The following WWOX variants were observed in gnomAD, a reference collection of about 807,000 sequenced individuals.
WWOX encodes the protein WW domain containing oxidoreductase.
Under a neutral mutation model 46.2 loss-of-function variants are expected in WWOX, and 69 were observed. The observed-to-expected ratio is 1.49, with a 90% CI of 1.23 to 1.82. The LOEUF is 1.82. WWOX is among the 40% of genes most tolerant of loss of function. The pLI, the probability that WWOX is intolerant of heterozygous loss-of-function variation, is 0.00. For synonymous variants in WWOX, 359 were observed against 202.6 expected (o/e 1.77, Z -6.56); for missense variants, 919 against 542.6 (o/e 1.69, Z -6.89).
At chr16:78,705,784 C>T (rs1171745471) in intron 8 of WWOX, among the ~76,000 whole-genome samples, 2 of 152,142 alleles carry the variant, frequency 1.3e-5, no homozygotes, top group Non-Finnish European at 2.9e-5. Context: ...TGCACACATA[C>T]ATTGAAAACA....
chr16:78,830,402 C>T (rs1331532912), intron 8 of WWOX, among the ~76,000 whole-genome samples: 1 of 151,988 alleles, frequency 6.6e-6, no homozygotes, highest in Non-Finnish European at 1.5e-5. Context: ...GGGTTTTTCT[C>T]ACTGGTTTCT....
intron 8 of WWOX, among the ~76,000 whole-genome samples, chr16:78,557,091 A>C (rs745628857): frequency 7.2e-5 from 11 of 152,158 alleles, no homozygotes; most frequent in Non-Finnish European, 1.5e-4. Context: ...AGCAGAGATG[A>C]AAATGTGGAA....
At chr16:78,758,966 A>G (rs191600973) in intron 8 of WWOX, among the ~76,000 whole-genome samples, 29 of 151,736 alleles carry the variant, frequency 1.9e-4, no homozygotes, top group Admixed American at 1.8e-3. Context: ...AAACCTTCAC[A>G]GACAAAACCC....
intron 8 of WWOX, among the ~76,000 whole-genome samples, chr16:79,044,523 G>T (rs778306932): frequency 6.6e-6 from 1 of 152,278 alleles, no homozygotes; most frequent in African/African-American, 2.4e-5. Flanking sequence ...GCCACATGAC[G>T]TGCCTGCTCC....
intron 8 of WWOX, among the ~76,000 whole-genome samples, chr16:79,210,541 C>A (rs967265783): frequency 1.1e-4 from 17 of 152,154 alleles, no homozygotes; most frequent in Non-Finnish European, 2.4e-4. Context: ...TCTTCAGTTA[C>A]CTTTTCCGGT....
chr16:78,310,166 G>A (rs1264063768), intron 5 of WWOX, among the ~76,000 whole-genome samples: 2 of 151,736 alleles, frequency 1.3e-5, no homozygotes, highest in East Asian at 3.9e-4. Context: ...GTATCCAAAA[G>A]TAATACAGAA....
chr16:79,033,771 A>C (rs1001819525), intron 8 of WWOX, among the ~76,000 whole-genome samples: 1 of 152,180 alleles, frequency 6.6e-6, no homozygotes, highest in Non-Finnish European at 1.5e-5. Context: ...TTTGTCTATG[A>C]ATTCGACTAC....
At chr16:78,316,961 C>T (rs1373726001) in intron 5 of WWOX, among the ~76,000 whole-genome samples, 1 of 152,094 alleles carries the variant, frequency 6.6e-6, no homozygotes, top group East Asian at 1.9e-4. Flanking sequence ...CTAATAAGAC[C>T]TGGACATTTG....
chr16:78,970,616 G>C (rs533042997), intron 8 of WWOX, among the ~76,000 whole-genome samples: 2 of 152,218 alleles, frequency 1.3e-5, no homozygotes, highest in African/African-American at 4.8e-5. Context: ...AGGAAAGTCA[G>C]AGAGCTAACA....
intron 8 of WWOX, among the ~76,000 whole-genome samples, chr16:78,717,538 G>C (rs1480804337): frequency 6.6e-6 from 1 of 152,154 alleles, no homozygotes; most frequent in African/African-American, 2.4e-5. Context: ...TGAAGGATGT[G>C]ATTTGCTCTC....
At chr16:79,041,598 G>C (rs1597316177) in intron 8 of WWOX, among the ~76,000 whole-genome samples, 1 of 152,236 alleles carries the variant, frequency 6.6e-6, no homozygotes, top group East Asian at 1.9e-4. Flanking sequence ...GCCTCTGGGA[G>C]TACGGGATCA....
intron 8 of WWOX, among the ~76,000 whole-genome samples, chr16:78,764,712 A>T (rs7194114): frequency 1.3e-5 from 2 of 150,442 alleles, no homozygotes; most frequent in South Asian, 2.2e-4. Context: ...AATGGGTGCA[A>T]TTCTAGTACC....
At chr16:78,688,613 T>C (rs2047915987) in intron 8 of WWOX, among the ~76,000 whole-genome samples, 1 of 152,134 alleles carries the variant, frequency 6.6e-6, no homozygotes, top group East Asian at 1.9e-4. Flanking sequence ...ACTGCTTCTC[T>C]ACCGGGGCAA....
At chr16:78,510,632 G>T (rs529500973) in intron 8 of WWOX, among the ~76,000 whole-genome samples, 2 of 152,340 alleles carry the variant, frequency 1.3e-5, no homozygotes, top group African/African-American at 4.8e-5. Context: ...ATCCATGAAA[G>T]CATTGAGTGA....
chr16:78,244,633 C>T (rs1207645250), intron 5 of WWOX, among the ~76,000 whole-genome samples: 2 of 152,176 alleles, frequency 1.3e-5, no homozygotes, highest in Non-Finnish European at 2.9e-5. Flanking sequence ...GATCAATCAG[C>T]AGCAAAGTCC....
chr16:78,634,943 AG>A (rs1567452824), intron 8 of WWOX, among the ~76,000 whole-genome samples: 3 of 150,870 alleles, frequency 2.0e-5, no homozygotes, highest in Admixed American at 1.3e-4. Flanking sequence ...AACGAGGAGG[AG>A]GGAAAGGGTC....
At chr16:78,946,193 T>G (rs1203285063) in intron 8 of WWOX, among the ~76,000 whole-genome samples, 1 of 152,142 alleles carries the variant, frequency 6.6e-6, no homozygotes, top group African/African-American at 2.4e-5. Context: ...TTGTTGTTTC[T>G]TTTGTTTTTG....
chr16:78,999,322 T>C (rs1055857153), intron 8 of WWOX, among the ~76,000 whole-genome samples: 2 of 151,776 alleles, frequency 1.3e-5, no homozygotes, highest in African/African-American at 4.8e-5. Flanking sequence ...AATACAAAAT[T>C]AGCCAGGCGT....
chr16:78,983,892 T>TTTC (rs1303335582), intron 8 of WWOX, among the ~76,000 whole-genome samples: 60 of 146,902 alleles, frequency 4.1e-4, no homozygotes, highest in African/African-American at 1.5e-3. Context: ...TTTTTTTTTT[T>TTTC]TGTGAGATGG....
Sources: gnomAD v4.1 joint callset for allele counts (sites outside exome capture counted in the v4.1 genomes callset) on GRCh38, gnomAD v4.1.1 for gene constraint, MANE v1.5 for transcripts, NCBI Gene and HGNC (gene_info 2026-07-23, HGNC 2026-07-21) for gene names.